PGM5: variants seen among roughly 807,000 people sequenced by gnomAD.
PGM5 encodes phosphoglucomutase 5.
In PGM5, 23 loss-of-function variants were observed where a neutral mutation model predicts 59.2. The ratio of observed to expected loss-of-function variants is 0.39; its 90% CI spans 0.28 to 0.55. The LOEUF (loss-of-function observed/expected upper bound fraction) is 0.55. Among genes scored for constraint, PGM5 ranks in the 20% least tolerant of loss-of-function variants. The pLI, the probability that PGM5 is intolerant of heterozygous loss-of-function variation, is 0.66. For missense variants in PGM5, 574 were observed against 748.3 expected, an observed-to-expected ratio of 0.77 and a Z score of 2.72; for synonymous variants, 214 against 286.0, an observed-to-expected ratio of 0.75 and a Z score of 2.54.
In PGM5 at chr9:68,357,466, C is replaced by T. The variant is rs1180167759; in HGVS notation, c.261+78C>T. 9 of 1,518,570 alleles carry T rather than the reference C, an allele frequency of 5.9e-6. No individual in the cohort carries two copies. In the Admixed American group the frequency reaches 1.0e-4, roughly 17 times the overall value. The allele number at this position is 1,518,570 out of a possible 1,614,324, so 94.1% of individuals were successfully genotyped here. ...CTAGCCCTTGTCCCCCTGCTGCCTC[C>T]GGGCCCAGTTGGGAGGCCCCTGCCC... On this transcript the variant is annotated intron_variant, in intron 1 of 10. Coordinates refer to ENST00000396396, the MANE Select transcript of PGM5 (RefSeq NM_021965.4).
intron 6 of PGM5, among the ~76,000 whole-genome samples, chr9:68,440,919 A>G (rs1823519046): frequency 6.6e-6 from 1 of 152,098 alleles, no homozygotes; most frequent in Admixed American, 6.6e-5. Flanking sequence ...CTTTAGCAAG[A>G]CCAACAAAGA....
intron 6 of PGM5, among the ~76,000 whole-genome samples, chr9:68,439,055 A>G (rs1370611575): frequency 6.6e-6 from 1 of 151,650 alleles, no homozygotes; most frequent in African/African-American, 2.4e-5. Context: ...CTACTCATTA[A>G]CCCCATTTCT....
At position 68,494,978 on chromosome 9, in the gene PGM5, C is replaced by T. The variant is rs1192527580; in HGVS notation, c.1480-4249C>T. The stretch of plus-strand genomic sequence containing the variant: ...AGTGGTGCTCACTTTAGTTGTCGAA[C>T]GTGCAGTGACATTCATTCAACAAGT... On this transcript the variant is annotated intron_variant, in intron 9 of 10. Transcript: ENST00000396396. 3.9e-5 allele frequency among the ~76,000 whole-genome samples: 6 copies of T among 152,290 alleles called. No homozygotes were observed. In the East Asian group the frequency reaches 1.2e-3, roughly 29 times the overall value.
chr9:68,447,924 T>A (rs1331219042), intron 6 of PGM5, among the ~76,000 whole-genome samples: 2 of 152,210 alleles, frequency 1.3e-5, no homozygotes, highest in Non-Finnish European at 2.9e-5. Flanking sequence ...GGATACTGGT[T>A]GTTTAAATAC....
chr9:68,366,951 C>T (rs1158339120), intron 1 of PGM5, among the ~76,000 whole-genome samples: 2 of 152,144 alleles, frequency 1.3e-5, no homozygotes, highest in Non-Finnish European at 2.9e-5. Flanking sequence ...CCAGAAAGCG[C>T]CTGCTGATGT....
In PGM5 at chr9:68,505,590, G is replaced by C. The variant is rs78420680; in HGVS notation, c.1614+6229G>C. On this transcript the variant is annotated intron_variant, in intron 10 of 10. Transcript: ENST00000396396. ...GAAAAGTGCTTCGCTTAGCATTACT[G>C]GTTTATTATAAAGGCTAGAACCCAG... is the stretch of plus-strand genomic sequence containing the variant. Among the ~76,000 whole-genome samples the C allele has an allele frequency of 4.8e-3, 725 of 152,272 alleles. 9 individuals carry two copies. The highest frequency in any genetic ancestry group is 0.017 in the African/African-American group (686 of 41,544).
At chr9:68,472,470 C>T (rs1554686333) in intron 7 of PGM5, among the ~76,000 whole-genome samples, 1 of 152,134 alleles carries the variant, frequency 6.6e-6, no homozygotes, top group Non-Finnish European at 1.5e-5. Context: ...ATCTTGACTC[C>T]CCCTCTCTTA....
intron 5 of PGM5, 93 bp from the exon 6 acceptor site, chr9:68,392,226 A>G: frequency 6.7e-7 from 1 of 1,497,850 alleles, no homozygotes; most frequent in Non-Finnish European, 9.2e-7. Context: ...ATTGTTAAAT[A>G]TAAGATGGCA....
At chr9:68,370,978 G>C (rs1263726280) in intron 1 of PGM5, among the ~76,000 whole-genome samples, 1 of 152,124 alleles carries the variant, frequency 6.6e-6, no homozygotes, top group Non-Finnish European at 1.5e-5. Flanking sequence ...GTCTGCAGGG[G>C]TCTGTGTGAT....
Position 68,520,435 on chromosome 9 carries a change from G to A in PGM5, c.1615-9132G>A, listed in dbSNP as rs574023277. Among the ~76,000 whole-genome samples the A allele has an allele frequency of 4.6e-5, 7 of 152,104 alleles. No individual in the cohort carries two copies. The East Asian group carries it at 1.3e-3, about 29-fold the overall frequency. On this transcript the variant is annotated intron_variant, in intron 10 of 10. Coordinates refer to ENST00000396396, the MANE Select transcript of PGM5 (RefSeq NM_021965.4). ...CCCCTCTCAGTAATTATTAGAATAA[G>A]TATACAATTAGTAAAGAACATAGAA...
intron 6 of PGM5, chr9:68,429,115 G>C (rs1823299895): frequency 6.6e-6 from 1 of 152,158 alleles, no homozygotes; most frequent in Non-Finnish European, 1.5e-5. Context: ...ACAGTACCAG[G>C]TTATAAGGAT....
intron 6 of PGM5, among the ~76,000 whole-genome samples, chr9:68,426,265 A>T (rs1383081174): frequency 6.6e-6 from 1 of 152,122 alleles, no homozygotes; most frequent in Non-Finnish European, 1.5e-5. Flanking sequence ...GTATTTAAAA[A>T]AAAAAAAAAG....
At chr9:68,426,997 C>T (rs1185993990) in intron 6 of PGM5, 4 of 152,190 alleles carry the variant, frequency 2.6e-5, no homozygotes, top group African/African-American at 4.8e-5. Context: ...AGAGCAGATG[C>T]CTAATACATG....
chr9:68,529,210 T>C (rs987544548), intron 10 of PGM5, among the ~76,000 whole-genome samples: 5 of 138,182 alleles, frequency 3.6e-5, no homozygotes, highest in African/African-American at 1.4e-4. Flanking sequence ...TGTGTGTGTG[T>C]GGTGAGGATG....
chr9:68,426,109 G>C (rs1554682679), intron 6 of PGM5, among the ~76,000 whole-genome samples: 1 of 152,122 alleles, frequency 6.6e-6, no homozygotes, highest in Non-Finnish European at 1.5e-5. Flanking sequence ...AAAACTTGCA[G>C]AAGTTGCCCA....
At chr9:68,459,407 A>G (rs1339180507) in intron 6 of PGM5, among the ~76,000 whole-genome samples, 1 of 152,184 alleles carries the variant, frequency 6.6e-6, no homozygotes, top group Admixed American at 6.5e-5. Context: ...TTTCCCATCA[A>G]TGATGAGTTT....
intron 6 of PGM5, among the ~76,000 whole-genome samples, chr9:68,456,534 T>C (rs1261046547): frequency 2.0e-5 from 3 of 150,576 alleles, no homozygotes; most frequent in Non-Finnish European, 1.5e-5. Flanking sequence ...TCAGCCAGGA[T>C]GGTCTCGATC....
chr9:68,482,770 A>G (rs1824218627), intron 8 of PGM5, among the ~76,000 whole-genome samples: 1 of 152,214 alleles, frequency 6.6e-6, no homozygotes, highest in African/African-American at 2.4e-5. Context: ...AATATAGTTT[A>G]TTTATGGTGG....
At chr9:68,501,067 C>T (rs922271117) in intron 10 of PGM5, among the ~76,000 whole-genome samples, 1 of 152,050 alleles carries the variant, frequency 6.6e-6, no homozygotes, top group Non-Finnish European at 1.5e-5. Flanking sequence ...GGTTTTGGTC[C>T]CCATGACTGC....
Sources: allele counts gnomAD v4.1 joint callset (sites outside exome capture counted in the v4.1 genomes callset), GRCh38; gene constraint gnomAD v4.1.1; transcripts MANE v1.5; gene names NCBI Gene and HGNC (gene_info 2026-07-23, HGNC 2026-07-21).